The following AKAP13 variants were observed in gnomAD, a reference collection of about 807,000 sequenced individuals.
AKAP13 encodes A-kinase anchoring protein 13, also known as A-kinase anchor protein 13.
AKAP13 carries 80 observed loss-of-function variants against 264.5 expected under a neutral mutation model. The observed-to-expected ratio is 0.30, with a 90% confidence interval of 0.25 to 0.36. The LOEUF is 0.36. Among genes scored for constraint, AKAP13 ranks in the 10% least tolerant of loss-of-function variants. AKAP13 has a pLI of 1.00. For missense variants in AKAP13, 3,712 were observed against 3,435.2 expected (o/e 1.08, Z -2.01); for synonymous variants, 1,380 against 1,250.2 (o/e 1.10, Z -2.19).
At chr15:85,610,891 A>G (rs903681681) in intron 8 of AKAP13, among the ~76,000 whole-genome samples, 2 of 152,226 alleles carry the variant, frequency 1.3e-5, no homozygotes, top group Non-Finnish European at 2.9e-5. Context: ...AGGCAGGAGA[A>G]TCACTAGAAC....
intron 2 of AKAP13, among the ~76,000 whole-genome samples, chr15:85,506,890 C>T (rs1413904723): frequency 1.3e-5 from 2 of 152,188 alleles, no homozygotes; most frequent in African/African-American, 2.4e-5. Flanking sequence ...AGCCATGGTC[C>T]GTTAGTCCTT....
chr15:85,462,439 A>G (rs182661969), intron 1 of AKAP13, among the ~76,000 whole-genome samples: 103 of 152,338 alleles, frequency 6.8e-4, no homozygotes, highest in African/African-American at 2.4e-3. Context: ...TGGTAAAACA[A>G]AACAAAAAGT....
At chr15:85,430,771 A>G (rs536105023) in intron 1 of AKAP13, among the ~76,000 whole-genome samples, 1 of 152,268 alleles carries the variant, frequency 6.6e-6, no homozygotes, top group African/African-American at 2.4e-5. Flanking sequence ...CCTTATGTAC[A>G]TTGGCCTAAT....
At chr15:85,494,951 G>A (rs149002721) in intron 2 of AKAP13, among the ~76,000 whole-genome samples, 425 of 152,164 alleles carry the variant, frequency 2.8e-3, no homozygotes, top group Non-Finnish European at 4.9e-3. Flanking sequence ...GGAGTGAACA[G>A]GTGAGGATTA....
chr15:85,693,864 T>G (rs1487132276), intron 17 of AKAP13, among the ~76,000 whole-genome samples: 1 of 152,212 alleles, frequency 6.6e-6, no homozygotes, highest in Non-Finnish European at 1.5e-5. Flanking sequence ...CCAACTATAG[T>G]CTAATGTAAG....
chr15:85,743,702 C>A lies in AKAP13; in HGVS notation c.8269C>A (p.Pro2757Thr). Reference sequence around the variant, plus strand: ...TTCAACCAGCCAGACAAACAAAGGACCAGAAGGGCAGAGCCAGGCCCCTGC... The same window carrying A: ...TTCAACCAGCCAGACAAACAAAGGAACAGAAGGGCAGAGCCAGGCCCCTGC... ...LSSTSQTNKG[P>T]EGQSQAPAST... The change falls in exon 36 of 37, where the codon CCA becomes ACA. Residue 2757 changes from proline to threonine, a missense_variant. Physicochemically the swap from Pro to Thr is conservative, Grantham distance 38. This residue lies in a region of AKAP13 where 611 missense variants were observed against 539.3 expected (regional missense o/e 1.13). Coordinates refer to ENST00000394518, the MANE Select transcript of AKAP13 (RefSeq NM_007200.5). 6.2e-7 allele frequency: 1 copy of A among 1,614,138 alleles called. No individual in the cohort carries two copies. The highest frequency in any genetic ancestry group is 1.7e-5 in the Admixed American group (1 of 60,024).
chr15:85,726,711 G>T (rs1022859497), intron 27 of AKAP13, among the ~76,000 whole-genome samples: 2 of 152,078 alleles, frequency 1.3e-5, no homozygotes, highest in African/African-American at 2.4e-5. Context: ...TTGGACATCT[G>T]ACTATTTGAT....
intron 1 of AKAP13, among the ~76,000 whole-genome samples, chr15:85,470,137 A>G (rs2151020549): frequency 6.6e-6 from 1 of 152,212 alleles, no homozygotes; most frequent in East Asian, 1.9e-4. Flanking sequence ...AAAATACAAA[A>G]AATTAGCCGG....
At position 85,581,534 on chromosome 15, in the gene AKAP13, G is replaced by C. The variant is rs1267896396; in HGVS notation, c.3466G>C (p.Asp1156His). ...TGGAACCCCAGAGATGATACCTCTT[G>C]ATTGGGAGAAAGGGAAGCTGGAGGG... The part of the protein sequence containing the change: ...GVGTPEMIPL[D>H]WEKGKLEGAD... Residue 1156 changes from aspartate to histidine, a missense_variant, in exon 7 of 37, where the codon GAT (aspartate) becomes CAT (histidine). Coordinates refer to ENST00000394518, the MANE Select transcript of AKAP13 (RefSeq NM_007200.5). 1 of 1,614,198 alleles carries C rather than the reference G, an allele frequency of 6.2e-7. No homozygotes were observed. The highest frequency in any genetic ancestry group is 1.1e-5 in the South Asian group (1 of 91,082).
At chr15:85,606,597 A>G (rs1042526151) in intron 8 of AKAP13, among the ~76,000 whole-genome samples, 4 of 152,170 alleles carry the variant, frequency 2.6e-5, no homozygotes, top group Admixed American at 2.0e-4. Context: ...ACACAGTTCT[A>G]ATGGAGTCAG....
intron 17 of AKAP13, among the ~76,000 whole-genome samples, chr15:85,707,173 C>G (rs191018087): frequency 6.6e-6 from 1 of 152,178 alleles, no homozygotes; most frequent in African/African-American, 2.4e-5. Context: ...TCATTTGTTT[C>G]TGCTTTACCT....
intron 14 of AKAP13, among the ~76,000 whole-genome samples, chr15:85,679,130 A>G (rs945691211): frequency 6.6e-6 from 1 of 151,966 alleles, no homozygotes. Context: ...AATCCCAGCT[A>G]TTCAGGAGGC....
At chr15:85,589,962 A>T (rs1327900594) in intron 8 of AKAP13, among the ~76,000 whole-genome samples, 2 of 152,154 alleles carry the variant, frequency 1.3e-5, no homozygotes, top group Non-Finnish European at 2.9e-5. Flanking sequence ...TCTAGGGCTC[A>T]GTTTCCTTGT....
In AKAP13 at chr15:85,708,593, C is replaced by T. The variant is rs2086448087; in HGVS notation, c.5532+507C>T. On this transcript the variant is annotated intron_variant, in intron 18 of 36. Coordinates refer to ENST00000394518, the MANE Select transcript of AKAP13 (RefSeq NM_007200.5). The surrounding 1 kb of genome is among the most constrained non-coding windows in gnomAD (Gnocchi z 4.3). ...TCACATGACGTAAGAATAGAAAGTG[C>T]CTGTTTTATGGTGGTATCTGCCCTG... Among the ~76,000 whole-genome samples, 1 of 152,028 alleles carries T rather than the reference C, an allele frequency of 6.6e-6. No homozygotes were observed. Among genetic ancestry groups the T allele is most frequent in the Non-Finnish European group, 1.5e-5 (1 of 68,014 alleles).
intron 6 of AKAP13, among the ~76,000 whole-genome samples, chr15:85,576,134 A>G (rs1447890064): frequency 6.6e-6 from 1 of 152,216 alleles, no homozygotes; most frequent in South Asian, 2.1e-4. Flanking sequence ...GGTTTTGGGA[A>G]TAATGGAAGA....
chr15:85,548,756 A>G (rs1197728952), intron 5 of AKAP13, among the ~76,000 whole-genome samples: 1 of 152,154 alleles, frequency 6.6e-6, no homozygotes, highest in Non-Finnish European at 1.5e-5. Flanking sequence ...GTTTTGTAAT[A>G]TTTCTTGTAG....
chr15:85,639,876 G>C (rs1327810416), intron 9 of AKAP13, among the ~76,000 whole-genome samples: 4 of 152,134 alleles, frequency 2.6e-5, no homozygotes, highest in African/African-American at 9.7e-5. Flanking sequence ...GTGGGGTGTG[G>C]CCTAGATATC....
At chr15:85,415,194 C>T (rs1470192705) in intron 1 of AKAP13, 1 of 1,378,732 alleles carries the variant, frequency 7.3e-7, no homozygotes. Flanking sequence ...CGACGCAGAC[C>T]CCGCTCTGCA....
At chr15:85,557,699 C>T (rs1403096593) in intron 5 of AKAP13, among the ~76,000 whole-genome samples, 1 of 152,166 alleles carries the variant, frequency 6.6e-6, no homozygotes, top group Non-Finnish European at 1.5e-5. Context: ...TGATCTCAAA[C>T]TCCTGGACTC....
Sources: gnomAD v4.1 joint callset for allele counts (sites outside exome capture counted in the v4.1 genomes callset) on GRCh38, gnomAD v4.1.1 for gene constraint, gnomAD v4.1.1 regional missense constraint, Gnocchi (gnomAD v3.1) non-coding constraint, MANE v1.5 for transcripts, NCBI Gene and HGNC (gene_info 2026-07-23, HGNC 2026-07-21) for gene names.